Variants in CNTNAP2 observed in about 807,000 individuals in gnomAD.
The protein encoded by CNTNAP2 is contactin associated protein 2.
In CNTNAP2, 98 loss-of-function variants were observed where a neutral mutation model predicts 155.2. The ratio of observed to expected loss-of-function variants is 0.63; its 90% confidence interval spans 0.54 to 0.75. The LOEUF (loss-of-function observed/expected upper bound fraction) is 0.75. CNTNAP2 is among the 30% of genes least tolerant of loss of function. The pLI, the probability that CNTNAP2 is intolerant of heterozygous loss-of-function variation, is 0.00. For synonymous variants in CNTNAP2, 651 were observed against 631.2 expected (o/e 1.03, Z -0.47); for missense variants, 1,727 against 1,688.1 (o/e 1.02, Z -0.40).
At chr7:148,277,555 A>G (rs1215640763) in intron 21 of CNTNAP2, among the ~76,000 whole-genome samples, 1 of 151,716 alleles carries the variant, frequency 6.6e-6, no homozygotes, top group East Asian at 2.0e-4. Flanking sequence ...CCCTCTCTAC[A>G]TGAGGCTTGG....
chr7:146,747,101 G>T (rs1227749370), intron 1 of CNTNAP2, among the ~76,000 whole-genome samples: 4 of 152,016 alleles, frequency 2.6e-5, no homozygotes, highest in African/African-American at 7.2e-5. Context: ...TTACATTTTT[G>T]AATGTGTTAA....
intron 1 of CNTNAP2, among the ~76,000 whole-genome samples, chr7:146,583,995 C>G (rs1798650397): frequency 6.6e-6 from 1 of 152,052 alleles, no homozygotes; most frequent in African/African-American, 2.4e-5. Flanking sequence ...ATATTTGTCC[C>G]TGATGTAGAT....
intron 8 of CNTNAP2, among the ~76,000 whole-genome samples, chr7:147,214,898 C>T (rs142962418): frequency 2.0e-5 from 3 of 152,188 alleles, no homozygotes; most frequent in South Asian, 2.1e-4. Context: ...AGCATACTTA[C>T]GGTCATGATA....
intron 16 of CNTNAP2, among the ~76,000 whole-genome samples, chr7:148,133,233 A>G (rs1049424296): frequency 4.6e-5 from 7 of 152,160 alleles, no homozygotes; most frequent in Middle Eastern, 3.4e-3. Context: ...AGGCCGAGGC[A>G]GGCAGATAGC....
chr7:147,462,731 C>G (rs111690246), intron 10 of CNTNAP2, among the ~76,000 whole-genome samples: 2,402 of 152,228 alleles, frequency 0.016, 71 homozygotes, highest in African/African-American at 0.055. Flanking sequence ...GTTGAGTATT[C>G]ACATAAATAG....
At chr7:146,880,025 CA>C (rs1259426647) in intron 3 of CNTNAP2, among the ~76,000 whole-genome samples, 1 of 151,980 alleles carries the variant, frequency 6.6e-6, no homozygotes, top group Non-Finnish European at 1.5e-5. Context: ...ACCATGAGAA[CA>C]GTATGTGGGA....
At chr7:146,720,378 C>G (rs886612463) in intron 1 of CNTNAP2, among the ~76,000 whole-genome samples, 1 of 152,084 alleles carries the variant, frequency 6.6e-6, no homozygotes, top group Non-Finnish European at 1.5e-5. Context: ...CCCTGGTAGC[C>G]TCCCTAGAGA....
At chr7:147,729,373 C>A (rs951171799) in intron 13 of CNTNAP2, among the ~76,000 whole-genome samples, 10 of 151,170 alleles carry the variant, frequency 6.6e-5, no homozygotes, top group Non-Finnish European at 1.5e-4. Context: ...ATATCTCTAA[C>A]TTTAAGGGCC....
chr7:146,986,922 T>G (rs2129238019), intron 3 of CNTNAP2, among the ~76,000 whole-genome samples: 1 of 152,268 alleles, frequency 6.6e-6, no homozygotes, highest in Admixed American at 6.5e-5. Flanking sequence ...AGATCATTCT[T>G]ATGATTCAGT....
intron 13 of CNTNAP2, among the ~76,000 whole-genome samples, chr7:147,872,897 G>A (rs888508155): frequency 1.3e-5 from 2 of 152,094 alleles, no homozygotes; most frequent in Non-Finnish European, 2.9e-5. Context: ...ATGTTAGTAG[G>A]CATTGTGTGA....
At chr7:146,224,112 G>A (rs116479193) in intron 1 of CNTNAP2, among the ~76,000 whole-genome samples, 253 of 152,234 alleles carry the variant, frequency 1.7e-3, no homozygotes, top group African/African-American at 5.8e-3. Flanking sequence ...TGTATTTATA[G>A]CCAAAAGCTT....
intron 2 of CNTNAP2, among the ~76,000 whole-genome samples, chr7:146,781,113 A>G (rs1046000581): frequency 4.0e-5 from 6 of 151,898 alleles, no homozygotes; most frequent in South Asian, 4.2e-4. Context: ...CTGTAGTCCC[A>G]GCTACTCGGG....
intron 22 of CNTNAP2, among the ~76,000 whole-genome samples, chr7:148,394,626 C>T (rs989163173): frequency 6.6e-6 from 1 of 152,182 alleles, no homozygotes; most frequent in Non-Finnish European, 1.5e-5. Flanking sequence ...GTGTCTTCTC[C>T]ATCTCTCTCC....
chr7:148,258,335 T>C (rs555277083), intron 20 of CNTNAP2, among the ~76,000 whole-genome samples: 88 of 152,272 alleles, frequency 5.8e-4, no homozygotes, highest in African/African-American at 2.0e-3. Context: ...TCACACCTAA[T>C]CCTACTTCTT....
intron 13 of CNTNAP2, among the ~76,000 whole-genome samples, chr7:147,756,832 C>G (rs960518905): frequency 6.6e-6 from 1 of 152,130 alleles, no homozygotes; most frequent in African/African-American, 2.4e-5. Context: ...AACCCTTCAT[C>G]AGAATAGGAT....
At chr7:148,147,363 G>A (rs1018185918) in intron 16 of CNTNAP2, 128 bp from the exon 17 acceptor site, 20 of 899,712 alleles carry the variant, frequency 2.2e-5, no homozygotes, top group African/African-American at 9.8e-5. Context: ...TTTTGCCATC[G>A]ACCTTTGTAG....
intron 9 of CNTNAP2, among the ~76,000 whole-genome samples, chr7:147,303,307 A>G (rs563663236): frequency 6.6e-6 from 1 of 152,342 alleles, no homozygotes; most frequent in Admixed American, 6.5e-5. Flanking sequence ...CATTCAGTTC[A>G]TTAGAGGACT....
At chr7:146,884,795 T>C (rs192839256) in intron 3 of CNTNAP2, among the ~76,000 whole-genome samples, 5 of 152,204 alleles carry the variant, frequency 3.3e-5, no homozygotes, top group Admixed American at 2.0e-4. Context: ...AGAGAGTAAA[T>C]TACTTTGTAA....
intron 11 of CNTNAP2, among the ~76,000 whole-genome samples, chr7:147,527,015 C>CTTTTCTTTTTTTTTTTTTTTTTTTTTTTT (rs1562981280): frequency 1.5e-5 from 1 of 65,182 alleles, no homozygotes; most frequent in Non-Finnish European, 2.6e-5. Flanking sequence ...ACAGGCATTT[C>CTTTTCTTTTTTTTTTTTTTTTTTTTTTTT]TTTTTTTTTT....
Sources: gnomAD v4.1 joint callset for allele counts (sites outside exome capture counted in the v4.1 genomes callset) on GRCh38, gnomAD v4.1.1 for gene constraint, MANE v1.5 for transcripts, NCBI Gene and HGNC (gene_info 2026-07-23, HGNC 2026-07-21) for gene names.